CT47B1: variants seen among roughly 807,000 people sequenced by gnomAD.
CT47B1 encodes the protein cancer/testis CT47 family, member 13.
CT47B1 carries 24 observed loss-of-function variants against 12.8 expected under a neutral mutation model. The ratio of observed to expected loss-of-function variants is 1.87; its 90% CI spans 1.36 to 2.63. The LOEUF (loss-of-function observed/expected upper bound fraction) is 2.63, where lower values mean the gene tolerates loss of function less well. CT47B1 is among the 30% of genes most tolerant of loss of function. CT47B1 has a pLI of 0.00. For synonymous variants in CT47B1, 228 were observed against 133.3 expected (o/e 1.71, Z -4.89); for missense variants, 523 against 271.3 (o/e 1.93, Z -6.52).
chrX:120,874,783 C>A, intron 1 of CT47B1, 113 bp downstream of exon 1: 1 of 1,101,676 alleles, frequency 9.1e-7, no homozygotes. Context: ...CCACCCGAGG[C>A]CCCGACCCCC....
chrX:120,875,187 G>C lies in CT47B1; in HGVS notation c.484C>G (p.Leu162Val), dbSNP rs748349107. 1.7e-6 allele frequency: 2 copies of C among 1,210,053 alleles called. No homozygotes were observed. The highest frequency in any genetic ancestry group is 3.5e-5 in the African/African-American group (2 of 57,541). Residue 162 changes from leucine (L) to valine (V), a missense_variant, in exon 1 of 3, where the codon CTC becomes GTC. By Grantham distance (32) the Leu-to-Val change is conservative (BLOSUM62 1). Coordinates refer to ENST00000371311, the MANE Select transcript of CT47B1 (RefSeq NM_001145718.3). ...AGCAGCAGGGGAGGGTTGTCCCAGA[G>C]GTTGGGCACAGCAGCGTGGGGCCCC... is the stretch of plus-strand genomic sequence containing the variant. ...MVGPHAAVPN[L>V]WDNPPLLLLS...
chrX:120,873,922 T>C lies in CT47B1; in HGVS notation c.874A>G (p.Lys292Glu), dbSNP rs761868467. 6 of 1,161,708 alleles carry C rather than the reference T, an allele frequency of 5.2e-6. 1 individual carries two copies. The East Asian group carries it at 1.8e-4, about 36-fold the overall frequency. The change falls in exon 2 of 3, where the codon AAG (lysine) becomes GAG (glutamate). Residue 292 changes from lysine (K) to glutamate (E), a missense_variant. Coordinates refer to ENST00000371311, the MANE Select transcript of CT47B1 (RefSeq NM_001145718.3). ...EQEKEKDVEN[K>E]VKNSKGT ...TAGGTCCCTTTGGAGTTCTTCACCTTGTTTTCCACATCCTTCTCTTTTTCT... is the reference window on the plus strand; with the variant it reads ...TAGGTCCCTTTGGAGTTCTTCACCTCGTTTTCCACATCCTTCTCTTTTTCT...
chrX:120,875,188 G>T lies in CT47B1; in HGVS notation c.483C>A (p.Asn161Lys), dbSNP rs1233380355. 3.3e-6 allele frequency: 4 copies of T among 1,211,362 alleles called. No homozygotes were observed. The highest frequency in any genetic ancestry group is 2.2e-5 in the Admixed American group (1 of 46,170). ...GCAGCAGGGGAGGGTTGTCCCAGAG[G>T]TTGGGCACAGCAGCGTGGGGCCCCA... ...LMVGPHAAVP[N>K]LWDNPPLLLL... The change falls in exon 1 of 3, where the codon AAC becomes AAA. Residue 161 changes from asparagine to lysine, a missense_variant. By Grantham distance (94) the Asn-to-Lys change is moderately conservative. Transcript: ENST00000371311.
Position 120,875,182 on chromosome X carries a change from C to T in CT47B1, c.489G>A (p.Trp163Ter). ...VGPHAAVPNL[W>*]DNPPLLLLSQ... ...ACAGCAGCAGCAGGGGAGGGTTGTCCCAGAGGTTGGGCACAGCAGCGTGGG... is the reference window on the plus strand; with the variant it reads ...ACAGCAGCAGCAGGGGAGGGTTGTCTCAGAGGTTGGGCACAGCAGCGTGGG... The change falls in exon 1 of 3, where the codon TGG becomes TGA. Residue 163 changes from tryptophan (W) to a stop codon, truncating the protein, a stop_gained. Transcript: ENST00000371311. LOFTEE classifies it high-confidence loss of function. 2 of 1,211,151 alleles carry T rather than the reference C, an allele frequency of 1.7e-6. No individual in the cohort carries two copies. The highest frequency in any genetic ancestry group is 2.2e-6 in the Non-Finnish European group (2 of 894,909).
rs1170921368 is a variant in CT47B1, at chrX:120,872,727, A to C, written c.*45T>G. Reference sequence around the variant, plus strand: ...GAACTTTGGAATGATATGTGTTACAATTCCCACAGGCATCTGAAAAAAAAA... The same window carrying C: ...GAACTTTGGAATGATATGTGTTACACTTCCCACAGGCATCTGAAAAAAAAA... On this transcript the variant is annotated 3_prime_UTR_variant, in exon 3 of 3. Transcript: ENST00000371311. The C allele has an allele frequency of 9.5e-6, 1 of 105,225 alleles. No homozygotes were observed. Among genetic ancestry groups the C allele is most frequent in the Admixed American group, 1.0e-4 (1 of 9,822 alleles). 8.7% of individuals were successfully genotyped at this position (105,225 alleles called of 1,213,427 possible).
chrX:120,875,368 G>T lies in CT47B1; in HGVS notation c.303C>A (p.Asn101Lys). Reference protein sequence around the residue: ...TEEEEEEEEGNEAANFDLAVA... With the variant: ...TEEEEEEEEGKEAANFDLAVA... ...CCGCCAAGTCGAAGTTGGCCGCCTCGTTCCCCTCTTCCTCCTCCTCCTCTT... is the reference window on the plus strand; with the variant it reads ...CCGCCAAGTCGAAGTTGGCCGCCTCTTTCCCCTCTTCCTCCTCCTCCTCTT... The change falls in exon 1 of 3, where the codon AAC (asparagine) becomes AAA (lysine). Residue 101 changes from asparagine to lysine, a missense_variant. By Grantham distance (94) the Asn-to-Lys change is moderately conservative. Transcript: ENST00000371311. 8.3e-7 allele frequency: 1 copy of T among 1,209,193 alleles called. No homozygotes were observed. The highest frequency in any genetic ancestry group is 1.1e-6 in the Non-Finnish European group (1 of 893,897).
chrX:120,875,336 G>A lies in CT47B1; in HGVS notation c.335C>T (p.Thr112Ile), dbSNP rs992033144. 2 of 1,210,867 alleles carry A rather than the reference G, an allele frequency of 1.7e-6. No individual in the cohort carries two copies. Among genetic ancestry groups the A allele is most frequent in the African/African-American group, 1.7e-5 (1 of 58,016 alleles). Residue 112 changes from threonine (T) to isoleucine (I), a missense_variant, in exon 1 of 3, where the codon ACC (threonine) becomes ATC (isoleucine). By Grantham distance (89) the Thr-to-Ile change is moderately conservative. Transcript: ENST00000371311. ...EAANFDLAVA[T>I]RRYPAAGIGF... ...AATGCCCGCCGCCGGGTACCGACGG[G>A]TGGCCACCGCCAAGTCGAAGTTGGC...
intron 2 of CT47B1, among the ~76,000 whole-genome samples, chrX:120,873,066 C>A (rs1184617117): frequency 4.1e-5 from 4 of 98,260 alleles, no homozygotes; most frequent in African/African-American, 1.4e-4. Flanking sequence ...AGGGGCCATT[C>A]TGGGATTTAA....
chrX:120,874,952 G>T lies in CT47B1; in HGVS notation c.719C>A (p.Ala240Asp). Residue 240 changes from alanine to aspartate, a missense_variant, in exon 1 of 3, where the codon GCC becomes GAC. By Grantham distance (126) the Ala-to-Asp change is moderately radical. Transcript: ENST00000371311. ...TTCCTCTGCGGCCGGTTCCTCTGTG[G>T]CCTCCTCTGTGAGCTTCTCCTCTGC... ...EAAEEKLTEE[A>D]TEEPAAEEPT... The T allele has an allele frequency of 1.7e-6, 2 of 1,199,702 alleles. No homozygotes were observed. Among genetic ancestry groups the T allele is most frequent in the Non-Finnish European group, 2.3e-6 (2 of 886,199 alleles).
At chrX:120,874,836 G>A (rs1316954934) in intron 1 of CT47B1, 60 bp downstream of exon 1, 77 of 1,188,548 alleles carry the variant, frequency 6.5e-5, no homozygotes, top group Non-Finnish European at 7.6e-5. Context: ...CCGCAGCCCT[G>A]CCCAGAGCCC....
chrX:120,875,624 G>A lies in CT47B1; in HGVS notation c.47C>T (p.Ala16Val), dbSNP rs1431152425. Reference sequence around the variant, plus strand: ...CTGTGCTCCCTCCTGGCTTACCGGGGCCTCCTGGTCCCCTTGGGTCGGGTG... The same window carrying A: ...CTGTGCTCCCTCCTGGCTTACCGGGACCTCCTGGTCCCCTTGGGTCGGGTG... Reference protein sequence around the residue: ...DRHPTQGDQEAPVSQEGAQAE... With the variant: ...DRHPTQGDQEVPVSQEGAQAE... Residue 16 changes from alanine (A) to valine (V), a missense_variant, in exon 1 of 3, where the codon GCC becomes GTC. Ala to Val is a moderately conservative substitution (Grantham distance 64, BLOSUM62 0). Coordinates refer to ENST00000371311, the MANE Select transcript of CT47B1 (RefSeq NM_001145718.3). 8 of 1,047,586 alleles carry A rather than the reference G, an allele frequency of 7.6e-6. No individual in the cohort carries two copies. The highest frequency in any genetic ancestry group is 3.4e-5 in the East Asian group (1 of 29,827). 86.3% of individuals were successfully genotyped at this position (1,047,586 alleles called of 1,213,427 possible). A position where few individuals can be genotyped will look rare whatever the true frequency, so the allele number is the denominator to read the frequency against.
At position 120,875,306 on chromosome X, in the gene CT47B1, A is replaced by T. The variant is rs765375138; in HGVS notation, c.365T>A (p.Phe122Tyr). The T allele has an allele frequency of 3.0e-4, 360 of 1,210,236 alleles. 4 individuals carry two copies. The South Asian group carries it at 5.3e-3, about 18-fold the overall frequency. The change falls in exon 1 of 3, where the codon TTC (phenylalanine) becomes TAC (tyrosine). Residue 122 changes from phenylalanine to tyrosine, a missense_variant. Physicochemically the swap from Phe to Tyr is conservative, Grantham distance 22. Coordinates refer to ENST00000371311, the MANE Select transcript of CT47B1 (RefSeq NM_001145718.3). ...GGAGTGGACCAGGTACAGGAACACG[A>T]AGCCAATGCCCGCCGCCGGGTACCG... is the stretch of plus-strand genomic sequence containing the variant. ...TRRYPAAGIG[F>Y]VFLYLVHSLL...
At position 120,875,076 on chromosome X, in the gene CT47B1, C is replaced by T. The variant is rs771385471; in HGVS notation, c.595G>A (p.Ala199Thr). 6 of 1,209,418 alleles carry T rather than the reference C, an allele frequency of 5.0e-6. No individual in the cohort carries two copies. The East Asian group carries it at 1.2e-4, about 24-fold the overall frequency. ...ACTGCAGGCTCTGGGACCGACGCGG[C>T]CTCCTGGACCGACGCAGCCTCCTGG... ...LIQEAASVQEAASVPEPAVPA... is the reference protein window; with the variant it reads ...LIQEAASVQETASVPEPAVPA... Residue 199 changes from alanine (A) to threonine (T), a missense_variant, in exon 1 of 3, where the codon GCC becomes ACC. Transcript: ENST00000371311.
At chrX:120,874,864 C>T (rs781665190) in intron 1 of CT47B1, 32 bp downstream of exon 1, 4 of 1,202,424 alleles carry the variant, frequency 3.3e-6, no homozygotes, top group Admixed American at 4.4e-5. Flanking sequence ...CATGGATCCC[C>T]GCTTCCCCGC....
rs771385471 is a variant in CT47B1 at position 120,875,076 on chromosome X, C to G, written c.595G>C (p.Ala199Pro). Residue 199 changes from alanine (A) to proline (P), a missense_variant, in exon 1 of 3, where the codon GCC (alanine) becomes CCC (proline). By Grantham distance (27) the Ala-to-Pro change is conservative. Coordinates refer to ENST00000371311, the MANE Select transcript of CT47B1 (RefSeq NM_001145718.3). ...LIQEAASVQE[A>P]ASVPEPAVPA... ...ACTGCAGGCTCTGGGACCGACGCGG[C>G]CTCCTGGACCGACGCAGCCTCCTGG... 2 of 1,209,418 alleles carry G rather than the reference C, an allele frequency of 1.7e-6. No individual in the cohort carries two copies. Among genetic ancestry groups the G allele is most frequent in the Non-Finnish European group, 2.2e-6 (2 of 894,512 alleles).
chrX:120,875,095 C>T lies in CT47B1; in HGVS notation c.576G>A (p.Glu192=). Residue 192 remains glutamate, a synonymous_variant, in exon 1 of 3, where the codon GAG becomes GAA. Coordinates refer to ENST00000371311, the MANE Select transcript of CT47B1 (RefSeq NM_001145718.3). Reference sequence around the variant, plus strand: ...ACGCGGCCTCCTGGACCGACGCAGCCTCCTGGATCAGGCCGAGGCCCTCGC... The same window carrying T: ...ACGCGGCCTCCTGGACCGACGCAGCTTCCTGGATCAGGCCGAGGCCCTCGC... The part of the protein sequence containing the change: ...PEGEGLGLIQ[E]AASVQEAASV... The T allele has an allele frequency of 1.7e-6, 2 of 1,210,151 alleles. No individual in the cohort carries two copies. The highest frequency in any genetic ancestry group is 2.2e-6 in the Non-Finnish European group (2 of 894,738).
chrX:120,873,990 T>C lies in CT47B1; in HGVS notation c.806A>G (p.Asp269Gly). The change falls in exon 2 of 3, where the codon GAT becomes GGT. Residue 269 changes from aspartate (D) to glycine (G), a missense_variant. Physicochemically the swap from Asp to Gly is moderately conservative, Grantham distance 94 (BLOSUM62 -1). Transcript: ENST00000371311. The part of the protein sequence containing the change: ...EVTKSQPEKW[D>G]EEAQDAAGEE... ...GCCTGCAGCATCTTGGGCCTCTTCA[T>C]CCCACTTTTCGGGCTGAGATTTAGT... is the stretch of plus-strand genomic sequence containing the variant. 1 of 885,099 alleles carries C rather than the reference T, an allele frequency of 1.1e-6. No homozygotes were observed. Among genetic ancestry groups the C allele is most frequent in the South Asian group, 2.3e-5 (1 of 43,697 alleles). The allele number at this position is 885,099 out of a possible 1,213,427, so 72.9% of individuals were successfully genotyped here.
chrX:120,874,052 C>A lies in CT47B1; in HGVS notation c.776-32G>T, dbSNP rs772048023. On this transcript the variant is annotated intron_variant, in intron 1 of 2. Coordinates refer to ENST00000371311, the MANE Select transcript of CT47B1 (RefSeq NM_001145718.3). ...GGAAGAATAATACACACATGGGGAC[C>A]AGACATTCACAGAAAATATAGCCCA... 2.6e-5 allele frequency: 23 copies of A among 895,379 alleles called. No individual in the cohort carries two copies. In the African/African-American group the frequency reaches 4.8e-4, roughly 19 times the overall value. The allele number at this position is 895,379 out of a possible 1,213,427, so 73.8% of individuals were successfully genotyped here.
In CT47B1 at chrX:120,875,225, C is replaced by G; in HGVS notation, c.446G>C (p.Ser149Thr). The change falls in exon 1 of 3, where the codon AGC becomes ACC. Residue 149 changes from serine (S) to threonine (T), a missense_variant. Coordinates refer to ENST00000371311, the MANE Select transcript of CT47B1 (RefSeq NM_001145718.3). ...DHIQIANRHLSRLMVGPHAAV... is the reference protein window; with the variant it reads ...DHIQIANRHLTRLMVGPHAAV... ...AGCGTGGGGCCCCACCATCAGGCGG[C>G]TGAGGTGACGGTTCGCTATCTGGAT... 1 of 1,211,375 alleles carries G rather than the reference C, an allele frequency of 8.3e-7. No individual in the cohort carries two copies. The highest frequency in any genetic ancestry group is 3.0e-5 in the East Asian group (1 of 33,834).
Sources: gnomAD v4.1 joint callset for allele counts (sites outside exome capture counted in the v4.1 genomes callset) on GRCh38, gnomAD v4.1.1 for gene constraint, MANE v1.5 for transcripts, NCBI Gene and HGNC (gene_info 2026-07-23, HGNC 2026-07-21) for gene names.